CNTN5: variants seen among roughly 807,000 people sequenced by gnomAD.
The protein encoded by CNTN5 is contactin 5.
Under a neutral mutation model 129.1 loss-of-function variants are expected in CNTN5, and 77 were observed. That is an observed-to-expected ratio of 0.60 (90% CI 0.50 to 0.72). The LOEUF (loss-of-function observed/expected upper bound fraction) is 0.72. Ranked by LOEUF, CNTN5 falls within the 30% of genes least tolerant of loss-of-function variation. The pLI is 0.00. For synonymous variants in CNTN5, 509 were observed against 465.6 expected (o/e 1.09, Z -1.20); for missense variants, 1,478 against 1,328.8 (o/e 1.11, Z -1.75).
At chr11:100,049,049 A>C (rs1474162224) in intron 9 of CNTN5, among the ~76,000 whole-genome samples, 1 of 152,162 alleles carries the variant, frequency 6.6e-6, no homozygotes, top group Non-Finnish European at 1.5e-5. Flanking sequence ...AGGAGAAAAC[A>C]CCACAAGAAA....
intron 1 of CNTN5, among the ~76,000 whole-genome samples, chr11:99,073,373 G>GTTTTTTTTTTTTTTTTTTT (rs1491116506): frequency 2.3e-5 from 2 of 87,330 alleles, no homozygotes; most frequent in African/African-American, 4.1e-5. Flanking sequence ...TTTATGGTTT[G>GTTTTTTTTTTTTTTTTTTT]GTTTTTTTTT....
At chr11:99,640,278 T>C (rs1951723135) in intron 3 of CNTN5, among the ~76,000 whole-genome samples, 1 of 152,162 alleles carries the variant, frequency 6.6e-6, no homozygotes, top group Admixed American at 6.5e-5. Context: ...TATTAGTTTG[T>C]TTTCACCCTG....
intron 6 of CNTN5, among the ~76,000 whole-genome samples, chr11:99,888,348 A>G (rs1948955024): frequency 6.6e-6 from 1 of 152,118 alleles, no homozygotes; most frequent in South Asian, 2.1e-4. Flanking sequence ...ATGTGACCTG[A>G]AATGTTTTCA....
intron 2 of CNTN5, among the ~76,000 whole-genome samples, chr11:99,511,740 A>G (rs1350991732): frequency 6.6e-6 from 1 of 152,024 alleles, no homozygotes; most frequent in East Asian, 1.9e-4. Flanking sequence ...TATTGGGTGC[A>G]TATATATTTA....
chr11:99,045,439 G>A (rs1864167131), intron 1 of CNTN5, among the ~76,000 whole-genome samples: 1 of 152,054 alleles, frequency 6.6e-6, no homozygotes, highest in South Asian at 2.1e-4. Flanking sequence ...ATCTACGAAA[G>A]CATGTTTTTC....
chr11:99,913,230 A>G (rs926191409), intron 6 of CNTN5, among the ~76,000 whole-genome samples: 2 of 152,020 alleles, frequency 1.3e-5, no homozygotes, highest in African/African-American at 4.8e-5. Context: ...ATTTTCACTC[A>G]GGCTATTCAG....
At chr11:100,345,969 C>T (rs524868) in intron 23 of CNTN5, among the ~76,000 whole-genome samples, 105,891 of 152,030 alleles carry the variant, frequency 0.7, 37,733 homozygotes, top group East Asian at 0.97. Context: ...ATTTGAGAAG[C>T]TGAATCCAAT....
chr11:100,007,271 G>A (rs768132974), intron 9 of CNTN5, among the ~76,000 whole-genome samples: 6 of 151,916 alleles, frequency 3.9e-5, no homozygotes, highest in South Asian at 2.1e-4. Context: ...CAGATTCAAC[G>A]TCACCAGCTG....
chr11:99,064,585 A>G (rs1205682309), intron 1 of CNTN5, among the ~76,000 whole-genome samples: 1 of 152,142 alleles, frequency 6.6e-6, no homozygotes, highest in East Asian at 1.9e-4. Flanking sequence ...GAATGCCTCC[A>G]TCCCTTTATT....
chr11:99,243,739 T>A (rs897735095), intron 1 of CNTN5, among the ~76,000 whole-genome samples: 7 of 127,610 alleles, frequency 5.5e-5, no homozygotes, highest in Admixed American at 2.2e-4. Flanking sequence ...ATTGCTTATT[T>A]TTTTTTTTTT....
chr11:99,968,307 G>A (rs1951150609), intron 8 of CNTN5, among the ~76,000 whole-genome samples: 1 of 152,160 alleles, frequency 6.6e-6, no homozygotes, highest in Non-Finnish European at 1.5e-5. Context: ...GGGGAAAAAT[G>A]TAGAAAGGCT....
chr11:99,574,026 G>C (rs1949264870), intron 3 of CNTN5, among the ~76,000 whole-genome samples: 1 of 152,004 alleles, frequency 6.6e-6, no homozygotes, highest in African/African-American at 2.4e-5. Context: ...ATCTACATTA[G>C]GTATTTCTCC....
At chr11:99,427,346 G>T (rs189389202) in intron 2 of CNTN5, among the ~76,000 whole-genome samples, 4 of 152,204 alleles carry the variant, frequency 2.6e-5, no homozygotes, top group East Asian at 1.9e-4. Context: ...AGAACCTGAG[G>T]GGGGAAATAA....
At chr11:99,587,589 G>A (rs958433039) in intron 3 of CNTN5, among the ~76,000 whole-genome samples, 2 of 151,872 alleles carry the variant, frequency 1.3e-5, no homozygotes, top group African/African-American at 4.8e-5. Context: ...TAGATGGTAC[G>A]TTTCTTCTTT....
chr11:100,313,286 T>G (rs76247085), intron 21 of CNTN5, among the ~76,000 whole-genome samples: 1 of 151,808 alleles, frequency 6.6e-6, no homozygotes, highest in Non-Finnish European at 1.5e-5. Flanking sequence ...AAGCAAGAAA[T>G]GATGGTGACC....
chr11:100,314,370 C>T (rs1245525635), intron 21 of CNTN5, among the ~76,000 whole-genome samples: 1 of 152,136 alleles, frequency 6.6e-6, no homozygotes, highest in Non-Finnish European at 1.5e-5. Flanking sequence ...GAGACTTTAA[C>T]ATGGTGTTTC....
At chr11:100,107,761 C>G (rs1945499005) in intron 13 of CNTN5, among the ~76,000 whole-genome samples, 1 of 151,824 alleles carries the variant, frequency 6.6e-6, no homozygotes, top group Non-Finnish European at 1.5e-5. Flanking sequence ...AGAGTTTATA[C>G]AAGTAAAAGA....
chr11:99,350,840 A>G (rs1396910175), intron 2 of CNTN5, among the ~76,000 whole-genome samples: 2 of 152,048 alleles, frequency 1.3e-5, no homozygotes, highest in Non-Finnish European at 2.9e-5. Context: ...TGTGTATGAT[A>G]ATTTTCTGTA....
chr11:99,274,159 T>A (rs1410068062), intron 1 of CNTN5, among the ~76,000 whole-genome samples: 1 of 151,736 alleles, frequency 6.6e-6, no homozygotes, highest in Non-Finnish European at 1.5e-5. Flanking sequence ...CATTTTGCAG[T>A]GCTATTTCAT....
Sources: gnomAD v4.1 joint callset for allele counts (sites outside exome capture counted in the v4.1 genomes callset) on GRCh38, gnomAD v4.1.1 for gene constraint, MANE v1.5 for transcripts, NCBI Gene and HGNC (gene_info 2026-07-23, HGNC 2026-07-21) for gene names.